PLS3: variants seen among roughly 807,000 people sequenced by gnomAD.
PLS3 encodes plastin-3.
In PLS3, 11 loss-of-function variants were observed where a neutral mutation model predicts 46.5. The observed-to-expected ratio is 0.24, with a 90% confidence interval of 0.15 to 0.39. The LOEUF (loss-of-function observed/expected upper bound fraction) is 0.39, where lower values mean the gene tolerates loss of function less well. Ranked by LOEUF, PLS3 falls within the 10% of genes least tolerant of loss-of-function variation. The pLI is 1.00. For missense variants in PLS3, 308 were observed against 461.8 expected (o/e 0.67, Z 3.05); for synonymous variants, 167 against 162.2 (o/e 1.03, Z -0.22).
chrX:115,585,034 C>A (rs1224325157), intron 1 of PLS3, among the ~76,000 whole-genome samples: 7 of 111,587 alleles, frequency 6.3e-5, no homozygotes, highest in African/African-American at 2.3e-4. Flanking sequence ...TACGCCATTT[C>A]CCTTTCTTTT....
intron 1 of PLS3, among the ~76,000 whole-genome samples, chrX:115,571,379 G>A (rs1335198998): frequency 9.0e-6 from 1 of 111,167 alleles, no homozygotes; most frequent in African/African-American, 3.3e-5. Flanking sequence ...TTAGCCAGGC[G>A]TGTTGGCCCA....
At chrX:115,647,429 G>A (rs917023666) in intron 13 of PLS3, 121 bp from the exon 14 acceptor site, 32 of 713,226 alleles carry the variant, frequency 4.5e-5, no homozygotes, top group African/African-American at 6.6e-5. Flanking sequence ...GCGAGACTCC[G>A]TCTCAAAAAA....
chrX:115,561,868 C>T (rs902816232), intron 1 of PLS3, among the ~76,000 whole-genome samples: 1 of 111,615 alleles, frequency 9.0e-6, no homozygotes, highest in African/African-American at 3.3e-5. Flanking sequence ...CTGCCTGCTT[C>T]CCTCCCTTGT....
intron 3 of PLS3, among the ~76,000 whole-genome samples, chrX:115,625,361 A>G (rs2074700054): frequency 9.0e-6 from 1 of 110,612 alleles, no homozygotes. Context: ...TCCCAAAATT[A>G]TATGTATGTA....
At chrX:115,617,465 G>A (rs1157482572) in intron 2 of PLS3, among the ~76,000 whole-genome samples, 1 of 112,010 alleles carries the variant, frequency 8.9e-6, no homozygotes, top group African/African-American at 3.2e-5. Flanking sequence ...TGTCATTGTT[G>A]TTTAGTTTTG....
At chrX:115,644,277 A>G (rs1252007680) in intron 10 of PLS3, among the ~76,000 whole-genome samples, 2 of 110,484 alleles carry the variant, frequency 1.8e-5, no homozygotes, top group Non-Finnish European at 3.8e-5. Flanking sequence ...TCCAGATTAT[A>G]TATGTGTGAA....
intron 2 of PLS3, among the ~76,000 whole-genome samples, chrX:115,621,414 A>G (rs147961722): frequency 0.038 from 4,261 of 112,342 alleles, 202 homozygotes; most frequent in African/African-American, 0.13. Context: ...AAAATCAGTG[A>G]GACCTAAGGA....
chrX:115,647,940 C>T lies in PLS3; in HGVS notation c.1683C>T (p.Ala561=), dbSNP rs782464183. Residue 561 remains alanine (A), a synonymous_variant, in exon 15 of 16, where the codon GCC becomes GCT. Coordinates refer to ENST00000355899, the MANE Select transcript of PLS3 (RefSeq NM_005032.7). The part of the protein sequence containing the change: ...SSLAVVDLID[A]IQPGCINYDL... ...TGGCAGTTGTGGATTTAATTGATGC[C>T]ATCCAGCCAGGCTGTATAAACTATG... 29 of 1,204,736 alleles carry T rather than the reference C, an allele frequency of 2.4e-5. No homozygotes were observed. In the East Asian group the frequency reaches 4.1e-4, roughly 17 times the overall value.
At chrX:115,627,122 G>A (rs141352037) in intron 3 of PLS3, among the ~76,000 whole-genome samples, 1,809 of 111,261 alleles carry the variant, frequency 0.016, 39 homozygotes, top group African/African-American at 0.056. Context: ...AAAGTGCTGG[G>A]ATTACAGATG....
intron 1 of PLS3, among the ~76,000 whole-genome samples, chrX:115,605,521 T>C (rs1337053529): frequency 8.9e-6 from 1 of 111,867 alleles, no homozygotes; most frequent in Non-Finnish European, 1.9e-5. Flanking sequence ...AGTGACGTTC[T>C]CATGGCTCAC....
At chrX:115,618,171 A>T (rs1263609947) in intron 2 of PLS3, among the ~76,000 whole-genome samples, 1 of 112,093 alleles carries the variant, frequency 8.9e-6, no homozygotes, top group Non-Finnish European at 1.9e-5. Context: ...TATAGCTTTG[A>T]ATCCACTGTA....
At chrX:115,639,003 C>CA (rs1556640643) in intron 8 of PLS3, among the ~76,000 whole-genome samples, 9 of 111,432 alleles carry the variant, frequency 8.1e-5, no homozygotes, top group African/African-American at 2.9e-4. Context: ...CATGAGTCAC[C>CA]GCCCCCGGCC....
intron 2 of PLS3, among the ~76,000 whole-genome samples, chrX:115,621,449 T>G (rs2074654388): frequency 8.9e-6 from 1 of 112,467 alleles, no homozygotes; most frequent in Non-Finnish European, 1.9e-5. Flanking sequence ...AAATTACTTG[T>G]GAACATCAAA....
At chrX:115,562,824 A>G (rs781860770) in intron 1 of PLS3, 3 of 48,787 alleles carry the variant, frequency 6.1e-5, no homozygotes, top group African/African-American at 2.2e-4. Flanking sequence ...TCCAAAAACC[A>G]CCTCTACGTT....
At chrX:115,633,712 G>C (rs1053654662) in intron 5 of PLS3, among the ~76,000 whole-genome samples, 3 of 110,041 alleles carry the variant, frequency 2.7e-5, no homozygotes, top group Non-Finnish European at 5.7e-5. Context: ...AGGCTGGTCT[G>C]GAACTCCTGG....
chrX:115,635,103 C>T, intron 7 of PLS3, 57 bp downstream of exon 7: 1 of 1,025,922 alleles, frequency 9.7e-7, no homozygotes, highest in Non-Finnish European at 1.4e-6. Context: ...TCTAGTCATG[C>T]AGACTTTCGT....
At chrX:115,621,435 T>C (rs1440034675) in intron 2 of PLS3, among the ~76,000 whole-genome samples, 3 of 112,563 alleles carry the variant, frequency 2.7e-5, no homozygotes, top group African/African-American at 6.5e-5. Flanking sequence ...ACAGAAGATA[T>C]TTGAAATTAC....
intron 1 of PLS3, among the ~76,000 whole-genome samples, chrX:115,607,723 G>A (rs1025954492): frequency 3.6e-5 from 4 of 111,281 alleles, no homozygotes; most frequent in Non-Finnish European, 7.5e-5. Flanking sequence ...GACTGGCCTC[G>A]AACTCCTGAC....
At chrX:115,619,697 G>C (rs2074630496) in intron 2 of PLS3, among the ~76,000 whole-genome samples, 1 of 112,485 alleles carries the variant, frequency 8.9e-6, no homozygotes, top group African/African-American at 3.2e-5. Flanking sequence ...GTTTGTTATT[G>C]ATGTTTTAAA....
Sources: gnomAD v4.1 joint callset for allele counts (sites outside exome capture counted in the v4.1 genomes callset) on GRCh38, gnomAD v4.1.1 for gene constraint, MANE v1.5 for transcripts, NCBI Gene and HGNC (gene_info 2026-07-23, HGNC 2026-07-21) for gene names.